MTBP: variants seen among roughly 807,000 people sequenced by gnomAD.
MTBP encodes mdm2-binding protein.
Under a neutral mutation model 117.0 loss-of-function variants are expected in MTBP, and 101 were observed. The observed-to-expected ratio is 0.86, with a 90% CI of 0.73 to 1.02. The LOEUF (loss-of-function observed/expected upper bound fraction) is 1.02, where lower values mean the gene tolerates loss of function less well. Among genes scored for constraint, MTBP ranks in the 50% least tolerant of loss-of-function variants. MTBP has a pLI of 0.00. For synonymous variants in MTBP, 350 were observed against 351.5 expected, an observed-to-expected ratio of 1.00 and a Z score of 0.05; for missense variants, 970 against 1,030.9, an observed-to-expected ratio of 0.94 and a Z score of 0.81.
rs376759221 is a variant in MTBP, at chr8:120,449,739, T to A, written c.200-1264T>A. On this transcript the variant is annotated intron_variant, in intron 2 of 21. Transcript: ENST00000305949. ...GGATGGGTGCCACAGAAGCCAAGTG[T>A]TTTAAAGAGAAAGTAGTAAAATGTG... Among the ~76,000 whole-genome samples the A allele has an allele frequency of 7.3e-4, 111 of 152,266 alleles. 1 individual carries two copies. Among genetic ancestry groups the A allele is most frequent in the African/African-American group, 2.5e-3 (106 of 41,570 alleles).
intron 14 of MTBP, among the ~76,000 whole-genome samples, chr8:120,502,195 G>A (rs1342323393): frequency 6.6e-6 from 1 of 152,076 alleles, no homozygotes; most frequent in Non-Finnish European, 1.5e-5. Flanking sequence ...ACCCAAAATA[G>A]CAAAGTTATG....
At chr8:120,491,593 C>T (rs1003515994) in intron 13 of MTBP, among the ~76,000 whole-genome samples, 4 of 152,142 alleles carry the variant, frequency 2.6e-5, no homozygotes, top group African/African-American at 9.7e-5. Context: ...CACATATATA[C>T]TGAAATACCA....
intron 10 of MTBP, among the ~76,000 whole-genome samples, chr8:120,469,218 G>T (rs1368356999): frequency 2.0e-5 from 3 of 151,836 alleles, no homozygotes; most frequent in African/African-American, 7.3e-5. Flanking sequence ...GCTAATTTTT[G>T]TATCTTTAGT....
chr8:120,523,266 ATCT>A (rs774288046), intron 21 of MTBP, 29 bp from the exon 22 acceptor site: 2 of 1,441,262 alleles, frequency 1.4e-6, no homozygotes, highest in Non-Finnish European at 1.9e-6. Context: ...TTCAAGAGAA[ATCT>A]TCTGTAATCA....
intron 20 of MTBP, among the ~76,000 whole-genome samples, chr8:120,520,349 A>G (rs1282010475): frequency 6.6e-6 from 1 of 152,188 alleles, no homozygotes; most frequent in Non-Finnish European, 1.5e-5. Context: ...GTTGAGATGA[A>G]AAAAATTTAC....
chr8:120,497,292 G>C, intron 13 of MTBP, 101 bp from the exon 14 acceptor site: 1 of 1,053,448 alleles, frequency 9.5e-7, no homozygotes, highest in South Asian at 1.7e-5. Flanking sequence ...ATTTACTAGA[G>C]AAATTCACTT....
At position 120,518,002 on chromosome 8, in the gene MTBP, C is replaced by T. The variant is rs531050125; in HGVS notation, c.2398C>T (p.Pro800Ser). The change falls in exon 19 of 22, where the codon CCA (proline) becomes TCA (serine). Residue 800 changes from proline (P) to serine (S), a missense_variant. Pro to Ser is a moderately conservative substitution (Grantham distance 74). Transcript: ENST00000305949. ...PLVPIPSCET[P>S]KLATKTSSGQ... Reference sequence around the variant, plus strand: ...GGTTCCAATTCCTAGCTGTGAAACTCCAAAACTTGCTACAAAGACCAGTTC... The same window carrying T: ...GGTTCCAATTCCTAGCTGTGAAACTTCAAAACTTGCTACAAAGACCAGTTC... The T allele has an allele frequency of 5.6e-6, 9 of 1,612,748 alleles. No individual in the cohort carries two copies. In the East Asian group the frequency reaches 1.6e-4, roughly 28 times the overall value.
At chr8:120,447,806 G>A (rs1340438871) in intron 2 of MTBP, among the ~76,000 whole-genome samples, 4 of 152,180 alleles carry the variant, frequency 2.6e-5, no homozygotes, top group African/African-American at 4.8e-5. Context: ...CTTACCAAGA[G>A]TAGTTTGAGC....
chr8:120,455,415 A>G lies in MTBP; in HGVS notation c.485-20A>G. 6.5e-7 allele frequency: 1 copy of G among 1,536,178 alleles called. No homozygotes were observed. The highest frequency in any genetic ancestry group is 2.4e-5 in the East Asian group (1 of 42,426). On this transcript the variant is annotated intron_variant, in intron 5 of 21. Coordinates refer to ENST00000305949, the MANE Select transcript of MTBP (RefSeq NM_022045.5). Reference sequence around the variant, plus strand: ...ATCTAACTTTTTAAAAATTACAAAAATGCCTTTTTCTCTTTCTAGGTAGAG... The same window carrying G: ...ATCTAACTTTTTAAAAATTACAAAAGTGCCTTTTTCTCTTTCTAGGTAGAG...
In MTBP at chr8:120,455,439, A is replaced by T. The variant is rs140625820; in HGVS notation, c.489A>T (p.Arg163Ser). The change falls in exon 6 of 22, where the codon AGA (arginine) becomes AGT (serine). Residue 163 changes from arginine to serine, a missense_variant. Transcript: ENST00000305949. ...AATGCCTTTTTCTCTTTCTAGGTAG[A>T]GCAATGGTAGATATAATACTGTTGC... Reference protein sequence around the residue: ...QLSDKLPAPGRAMVDIILLLS... With the variant: ...QLSDKLPAPGSAMVDIILLLS... 100 of 1,593,716 alleles carry T rather than the reference A, an allele frequency of 6.3e-5. No homozygotes were observed. In the African/African-American group the frequency reaches 1.3e-3, roughly 21 times the overall value.
chr8:120,511,150 A>C (rs916048562), intron 17 of MTBP, among the ~76,000 whole-genome samples: 1 of 152,198 alleles, frequency 6.6e-6, no homozygotes, highest in African/African-American at 2.4e-5. Context: ...TATTTGACTA[A>C]AGGATTCCTT....
intron 18 of MTBP, among the ~76,000 whole-genome samples, chr8:120,516,659 A>G (rs1277043913): frequency 6.6e-6 from 1 of 152,038 alleles, no homozygotes; most frequent in East Asian, 1.9e-4. Flanking sequence ...AATATATGAA[A>G]CTTTTCTGGA....
chr8:120,484,759 C>G (rs1229097985), intron 11 of MTBP, among the ~76,000 whole-genome samples: 1 of 152,172 alleles, frequency 6.6e-6, no homozygotes, highest in African/African-American at 2.4e-5. Context: ...TTTAGGGCAT[C>G]TTAATCTCCC....
chr8:120,464,061 C>G (rs1400280107), intron 10 of MTBP, among the ~76,000 whole-genome samples: 4 of 151,896 alleles, frequency 2.6e-5, no homozygotes, highest in African/African-American at 9.7e-5. Context: ...TTATTGTTAA[C>G]CTACTTCTTC....
chr8:120,514,760 T>C (rs141675375), intron 17 of MTBP, among the ~76,000 whole-genome samples: 70 of 152,182 alleles, frequency 4.6e-4, no homozygotes, highest in African/African-American at 1.5e-3. Flanking sequence ...GACTGCCCTG[T>C]TTGCATGTTT....
intron 4 of MTBP, among the ~76,000 whole-genome samples, chr8:120,453,268 T>G (rs1380659209): frequency 6.6e-6 from 1 of 152,036 alleles, no homozygotes; most frequent in Admixed American, 6.6e-5. Flanking sequence ...TTGGGCAACA[T>G]GGCAGAACCC....
At chr8:120,521,694 T>G (rs896324678) in intron 20 of MTBP, among the ~76,000 whole-genome samples, 1 of 152,250 alleles carries the variant, frequency 6.6e-6, no homozygotes, top group Non-Finnish European at 1.5e-5. Context: ...TCTTTTACTT[T>G]GTAATAATCA....
rs908743619 is a variant in MTBP at position 120,518,197 on chromosome 8, A to C, written c.2496+97A>C. The C allele has an allele frequency of 1.0e-5, 13 of 1,304,606 alleles. No individual in the cohort carries two copies. The Admixed American group carries it at 1.3e-4, about 13-fold the overall frequency. The allele number at this position is 1,304,606 out of a possible 1,614,324, so 80.8% of individuals were successfully genotyped here. A position where few individuals can be genotyped will look rare whatever the true frequency, so the allele number is the denominator to read the frequency against. ...ATGTCTAAAAAATTTTATGAATGAA[A>C]TGAAACGATGTCTAGAATTTACTGG... On this transcript the variant is annotated intron_variant, in intron 19 of 21. Transcript: ENST00000305949.
rs536098819 is a variant in MTBP at position 120,492,036 on chromosome 8, G to C, written c.1447+1466G>C. 3.3e-3 allele frequency among the ~76,000 whole-genome samples: 496 copies of C among 152,220 alleles called. 1 individual carries two copies. The highest frequency in any genetic ancestry group is 0.017 in the South Asian group (81 of 4,824). ...AAAAAAATTAAAAAAATAAAAAATC[G>C]CAGGGATGCCACTAGACTGGGCAAA... On this transcript the variant is annotated intron_variant, in intron 13 of 21. Transcript: ENST00000305949.
Sources: gnomAD v4.1 joint callset for allele counts (sites outside exome capture counted in the v4.1 genomes callset) on GRCh38, gnomAD v4.1.1 for gene constraint, MANE v1.5 for transcripts, NCBI Gene and HGNC (gene_info 2026-07-23, HGNC 2026-07-21) for gene names.